The following NECAP1 variants were observed in gnomAD, a reference collection of about 807,000 sequenced individuals.
The protein encoded by NECAP1 is adaptin ear-binding coat-associated protein 1.
In NECAP1, 13 loss-of-function variants were observed where a neutral mutation model predicts 33.4. That is an observed-to-expected ratio of 0.39 (90% CI 0.25 to 0.62). The LOEUF is 0.62. Ranked by LOEUF, NECAP1 falls within the 20% of genes least tolerant of loss-of-function variation. The pLI, the probability that NECAP1 is intolerant of heterozygous loss-of-function variation, is 0.52. For missense variants in NECAP1, 272 were observed against 347.4 expected, an observed-to-expected ratio of 0.78 and a Z score of 1.73; for synonymous variants, 109 against 125.2, an observed-to-expected ratio of 0.87 and a Z score of 0.86.
chr12:8,082,774 T>TCTCTCACACA (rs1400408491), intron 1 of NECAP1: 204 of 141,698 alleles, frequency 1.4e-3, no homozygotes, highest in Middle Eastern at 3.4e-3. Context: ...TCTCTCTCTC[T>TCTCTCACACA]CACACACACA....
chr12:8,092,645 C>A, intron 4 of NECAP1, 31 bp from the exon 5 acceptor site: 1 of 1,544,824 alleles, frequency 6.5e-7, no homozygotes, highest in South Asian at 1.2e-5. Flanking sequence ...CAGGAAATCT[C>A]AAACTAAGAT....
At chr12:8,086,886 G>A (rs916901460) in intron 1 of NECAP1, among the ~76,000 whole-genome samples, 7 of 151,456 alleles carry the variant, frequency 4.6e-5, no homozygotes, top group African/African-American at 1.7e-4. Context: ...AGCCAAGATC[G>A]CGCCATTGCA....
chr12:8,093,933 CT>C (rs1947572624), intron 6 of NECAP1: 1 of 152,128 alleles, frequency 6.6e-6, no homozygotes, highest in African/African-American at 2.4e-5. Flanking sequence ...TGTCCATACA[CT>C]TTCATTCTTT....
intron 1 of NECAP1, 124 bp downstream of exon 1, chr12:8,082,507 A>T: frequency 1.2e-6 from 1 of 830,316 alleles, no homozygotes. Context: ...TAGCCTCCCT[A>T]CCTGGGTTGT....
Position 8,096,224 on chromosome 12 carries a change from C to T in NECAP1, c.*134C>T. ...CTGGACAATCTTTTTCATAGCTTCT[C>T]CATCACATTCAAGCTGGTTTATGTC... On this transcript the variant is annotated 3_prime_UTR_variant, in exon 8 of 8. Coordinates refer to ENST00000339754, the MANE Select transcript of NECAP1 (RefSeq NM_015509.4). 1 of 861,992 alleles carries T rather than the reference C, an allele frequency of 1.2e-6. No individual in the cohort carries two copies. Among genetic ancestry groups the T allele is most frequent in the Non-Finnish European group, 1.8e-6 (1 of 558,428 alleles). The allele number at this position is 861,992 out of a possible 1,614,324, so 53.4% of individuals were successfully genotyped here. A position where few individuals can be genotyped will look rare whatever the true frequency, so the allele number is the denominator to read the frequency against.
At position 8,085,105 on chromosome 12, in the gene NECAP1, C is replaced by T. The variant is rs761952197; in HGVS notation, c.95+2722C>T. ...CGCAATCTCAGCTCGCCACAACCTC[C>T]GCCTCCCCGGTTCAAGTGATTTTCC... is the stretch of plus-strand genomic sequence containing the variant. On this transcript the variant is annotated intron_variant, in intron 1 of 7. Coordinates refer to ENST00000339754, the MANE Select transcript of NECAP1 (RefSeq NM_015509.4). Among the ~76,000 whole-genome samples, 98 of 152,202 alleles carry T rather than the reference C, an allele frequency of 6.4e-4. 1 individual carries two copies. The highest frequency in any genetic ancestry group is 1.8e-3 in the African/African-American group (74 of 41,518).
intron 2 of NECAP1, 36 bp from the exon 3 acceptor site, chr12:8,090,159 T>C (rs147953194): frequency 6.2e-7 from 1 of 1,610,950 alleles, no homozygotes; most frequent in Non-Finnish European, 8.5e-7. Flanking sequence ...GATTTTGGCT[T>C]GCTTTACTCA....
intron 4 of NECAP1, chr12:8,092,196 G>C (rs772019452): frequency 3.1e-6 from 1 of 325,258 alleles, no homozygotes; most frequent in Admixed American, 4.8e-5. Context: ...TAGCTGACAT[G>C]TTTTGTGACT....
chr12:8,086,458 A>G (rs1005422437), intron 1 of NECAP1, among the ~76,000 whole-genome samples: 9 of 151,454 alleles, frequency 5.9e-5, no homozygotes, highest in African/African-American at 2.2e-4. Flanking sequence ...ACAAAAATAC[A>G]AAAAACTTAG....
intron 1 of NECAP1, among the ~76,000 whole-genome samples, chr12:8,086,550 G>A (rs1947491673): frequency 6.6e-6 from 1 of 152,048 alleles, no homozygotes; most frequent in African/African-American, 2.4e-5. Context: ...GGAGGCGGAG[G>A]TTGCAATGAG....
chr12:8,096,302 G>A lies in NECAP1; in HGVS notation c.*212G>A, dbSNP rs16917471. On this transcript the variant is annotated 3_prime_UTR_variant, in exon 8 of 8. Transcript: ENST00000339754. ...CAAGAAAGTATCTGTTATCTCCTGC[G>A]TAGTACCAAGGTAGGGGACTAGTGG... is the stretch of plus-strand genomic sequence containing the variant. 9.0e-4 allele frequency: 475 copies of A among 526,376 alleles called. 2 individuals are homozygous for A. Among genetic ancestry groups the A allele is most frequent in the Non-Finnish European group, 1.2e-3 (370 of 296,214 alleles). 32.6% of individuals were successfully genotyped at this position (526,376 alleles called of 1,614,324 possible).
chr12:8,085,683 CTTCTT>C (rs1947481379), intron 1 of NECAP1, among the ~76,000 whole-genome samples: 1 of 66,380 alleles, frequency 1.5e-5, no homozygotes. Context: ...CTCACTTAAT[CTTCTT>C]TTTTTTTTTT....
At chr12:8,088,310 A>G (rs902857850) in intron 1 of NECAP1, among the ~76,000 whole-genome samples, 1 of 152,162 alleles carries the variant, frequency 6.6e-6, no homozygotes, top group Non-Finnish European at 1.5e-5. Context: ...CCTTCTTCCT[A>G]GATGTGTTCC....
At chr12:8,091,442 G>A (rs1591596338) in intron 3 of NECAP1, 3 of 308,518 alleles carry the variant, frequency 9.7e-6, no homozygotes, top group East Asian at 1.4e-4. Context: ...GCAACTAGAC[G>A]GGGGTGATGG....
At chr12:8,085,304 C>T (rs771252352) in intron 1 of NECAP1, among the ~76,000 whole-genome samples, 3 of 151,536 alleles carry the variant, frequency 2.0e-5, no homozygotes, top group Admixed American at 1.3e-4. Flanking sequence ...AGGCGTGAGC[C>T]ACCGCACCCG....
In NECAP1 at chr12:8,083,489, G is replaced by A. The variant is rs1188258136; in HGVS notation, c.95+1106G>A. ...TTGTTGCCCAGGCCGGAGCGCAATG[G>A]CTCAATCTCAGCTCACTGCAACCTC... On this transcript the variant is annotated intron_variant, in intron 1 of 7. Coordinates refer to ENST00000339754, the MANE Select transcript of NECAP1 (RefSeq NM_015509.4). Among the ~76,000 whole-genome samples, 6 of 127,950 alleles carry A rather than the reference G, an allele frequency of 4.7e-5. No individual in the cohort carries two copies. The Admixed American group carries it at 5.8e-4, about 12-fold the overall frequency. The allele number at this position is 127,950 out of a possible 152,430, so 83.9% of individuals were successfully genotyped here.
rs11043334 is a variant in NECAP1 at position 8,091,875 on chromosome 12, C to G, written c.383+25C>G. On this transcript the variant is annotated intron_variant, in intron 4 of 7. Transcript: ENST00000339754. ...AGTGAGTGAAGCTTGTCCTTAGTTA[C>G]GAGGCTGAATGCTTATAGGAATGCT... The G allele has an allele frequency of 1.9e-5, 30 of 1,592,792 alleles. No individual in the cohort carries two copies. In the East Asian group the frequency reaches 4.0e-4, roughly 21 times the overall value.
rs1947587929 is a variant in NECAP1, at chr12:8,095,683, A to G, written c.759A>G (p.Gly253=). The stretch of plus-strand genomic sequence containing the variant: ...TTTCTGTAAGCAATGACTTGTGGGG[A>G]GACTTCAGCACTGCCTCCAGGTAAT... The part of the protein sequence containing the change: ...TPVSVSNDLW[G]DFSTASSSVP... Residue 253 remains glycine (G), a synonymous_variant, in exon 7 of 8, where the codon GGA becomes GGG. Transcript: ENST00000339754. 2 of 1,613,258 alleles carry G rather than the reference A, an allele frequency of 1.2e-6. No homozygotes were observed. Among genetic ancestry groups the G allele is most frequent in the Non-Finnish European group, 1.7e-6 (2 of 1,179,344 alleles).
chr12:8,095,561 G>C (rs1947586997), intron 6 of NECAP1, 40 bp from the exon 7 acceptor site: 2 of 1,542,888 alleles, frequency 1.3e-6, no homozygotes, highest in Non-Finnish European at 1.8e-6. Flanking sequence ...CCAAGATTTT[G>C]ATTATGTTTT....
Sources: gnomAD v4.1 joint callset for allele counts (sites outside exome capture counted in the v4.1 genomes callset) on GRCh38, gnomAD v4.1.1 for gene constraint, MANE v1.5 for transcripts, NCBI Gene and HGNC (gene_info 2026-07-23, HGNC 2026-07-21) for gene names.